Variants in TUB observed in about 807,000 individuals in gnomAD.
TUB encodes the protein tubby protein homolog.
A neutral mutation model predicts 59.7 loss-of-function variants in TUB; 33 were observed. The observed-to-expected ratio is 0.55, with a 90% CI of 0.42 to 0.74. The LOEUF is 0.74. TUB is among the 30% of genes least tolerant of loss of function. The pLI is 0.00. For synonymous variants in TUB, 293 were observed against 256.4 expected, an observed-to-expected ratio of 1.14 and a Z score of -1.36; for missense variants, 659 against 672.0, an observed-to-expected ratio of 0.98 and a Z score of 0.21.
At chr11:8,081,624 C>T (rs1469653821) in intron 1 of TUB, 76 bp downstream of exon 1, 2 of 1,398,630 alleles carry the variant, frequency 1.4e-6, no homozygotes, top group African/African-American at 1.5e-5. Context: ...GCGGCCGGGG[C>T]GCAGGGCACC....
upstream of TUB, chr11:8,035,350 GC>G (rs1475023261): frequency 6.6e-6 from 1 of 152,274 alleles, no homozygotes; most frequent in African/African-American, 2.4e-5. Flanking sequence ...TTTCTTGGCT[GC>G]TGAGTTTTTT....
chr11:8,077,174 T>C (rs1402321195), upstream of TUB: 6 of 152,244 alleles, frequency 3.9e-5, no homozygotes, highest in Admixed American at 3.9e-4. Flanking sequence ...TCCATTCTGC[T>C]CCCAATTATT....
chr11:8,061,601 T>A (rs1943127970), intron 2 of TUB, among the ~76,000 whole-genome samples: 1 of 152,020 alleles, frequency 6.6e-6, no homozygotes, highest in Non-Finnish European at 1.5e-5. Flanking sequence ...GACAGTCGGC[T>A]CAGAGGGGAC....
intron 5 of TUB, 28 bp from the exon 6 acceptor site, chr11:8,096,657 A>T: frequency 6.9e-7 from 1 of 1,452,624 alleles, no homozygotes; most frequent in Non-Finnish European, 9.7e-7. Flanking sequence ...CTCCTCCTTC[A>T]TCCCTTCTTC....
At chr11:8,063,386 G>T (rs1010172611) in intron 2 of TUB, among the ~76,000 whole-genome samples, 46 of 152,198 alleles carry the variant, frequency 3.0e-4, no homozygotes, top group Non-Finnish European at 1.5e-5. Flanking sequence ...GAAGTTTACT[G>T]ACTTAACTGA....
At position 8,101,856 on chromosome 11, in the gene TUB, G is replaced by GATCCGGCGA; in HGVS notation, c.*237_*238insATCCGGCGA. On this transcript the variant is annotated 3_prime_UTR_variant, in exon 12 of 12. Coordinates refer to ENST00000299506, the MANE Select transcript of TUB (RefSeq NM_177972.3). Reference sequence around the variant, plus strand: ...AAGGGATGAGAATAATTCTTTCCATGCCACGAGATCAACACACACTCCCAC... The same window carrying GATCCGGCGA: ...AAGGGATGAGAATAATTCTTTCCATGATCCGGCGACCACGAGATCAACACACACTCCCAC... 2.1e-6 allele frequency: 1 copy of GATCCGGCGA among 482,862 alleles called. No individual in the cohort carries two copies. The allele number at this position is 482,862 out of a possible 1,614,324, so 29.9% of individuals were successfully genotyped here. A position where few individuals can be genotyped will look rare whatever the true frequency, so the allele number is the denominator to read the frequency against.
chr11:8,032,396 A>G (rs1942587025), intron 1 of TUB, among the ~76,000 whole-genome samples: 1 of 152,206 alleles, frequency 6.6e-6, no homozygotes, highest in Admixed American at 6.5e-5. Context: ...CATGATCAGC[A>G]TGGACGGACA....
At chr11:8,069,464 G>A (rs1472923511) in intron 2 of TUB, 2 of 151,856 alleles carry the variant, frequency 1.3e-5, no homozygotes, top group African/African-American at 2.4e-5. Context: ...TAGATTTCTG[G>A]GTTGCTTGTT....
Position 8,103,031 on chromosome 11 carries a change from G to T in TUB, c.*1412G>T, listed in dbSNP as rs535570754. ...GAAATCAGGCAGTTCCCTGTTGAAA[G>T]TTGTCTGGCTTTTTGCACGTGAGTA... On this transcript the variant is annotated 3_prime_UTR_variant, in exon 12 of 12. Coordinates refer to ENST00000299506, the MANE Select transcript of TUB (RefSeq NM_177972.3). The T allele has an allele frequency of 3.9e-5, 6 of 152,396 alleles. No homozygotes were observed. The highest frequency in any genetic ancestry group is 7.2e-5 in the African/African-American group (3 of 41,586). The allele number at this position is 152,396 out of a possible 1,614,324, so 9.4% of individuals were successfully genotyped here.
upstream of TUB, among the ~76,000 whole-genome samples, chr11:8,079,518 C>G (rs1288787341): frequency 1.3e-5 from 2 of 152,114 alleles, no homozygotes; most frequent in African/African-American, 4.8e-5. Flanking sequence ...CTCTCTGTCC[C>G]CAGTGACAGT....
At chr11:8,100,082 C>T (rs1173358341) in intron 9 of TUB, among the ~76,000 whole-genome samples, 1 of 152,006 alleles carries the variant, frequency 6.6e-6, no homozygotes, top group Admixed American at 6.6e-5. Context: ...AATAGGAGGG[C>T]CAACAACAGA....
Position 8,103,390 on chromosome 11 carries a change from A to G in TUB, c.*1771A>G, listed in dbSNP as rs1277035967. 1 of 152,188 alleles carries G rather than the reference A, an allele frequency of 6.6e-6. No homozygotes were observed. Among genetic ancestry groups the G allele is most frequent in the African/African-American group, 2.4e-5 (1 of 41,440 alleles). The allele number at this position is 152,188 out of a possible 1,614,324, so 9.4% of individuals were successfully genotyped here. Reference sequence around the variant, plus strand: ...AGATGTTTGGAAAAGCTAAGTAGAAATTTTTTAAAATAGAAGTTGTATTTT... The same window carrying G: ...AGATGTTTGGAAAAGCTAAGTAGAAGTTTTTTAAAATAGAAGTTGTATTTT... On this transcript the variant is annotated 3_prime_UTR_variant, in exon 12 of 12. Transcript: ENST00000299506.
intron 2 of TUB, among the ~76,000 whole-genome samples, chr11:8,059,030 A>G (rs1943072386): frequency 6.6e-6 from 1 of 152,188 alleles, no homozygotes; most frequent in Non-Finnish European, 1.5e-5. Flanking sequence ...CCTCCATTAC[A>G]CATAGTCCCA....
intron 1 of TUB, among the ~76,000 whole-genome samples, chr11:8,032,813 TCTAA>T (rs1045938967): frequency 6.6e-6 from 1 of 152,126 alleles, no homozygotes; most frequent in African/African-American, 2.4e-5. Flanking sequence ...AATTTCAGAA[TCTAA>T]CAGGACAGCC....
chr11:8,098,826 C>T lies in TUB; in HGVS notation c.1067C>T (p.Ser356Phe), dbSNP rs767289402. 3 of 1,614,058 alleles carry T rather than the reference C, an allele frequency of 1.9e-6. No homozygotes were observed. The highest frequency in any genetic ancestry group is 2.2e-5 in the South Asian group (2 of 91,084). The stretch of plus-strand genomic sequence containing the variant: ...GTCAACCCTCAGAAGGCCTCATCCT[C>T]CACTTTGGAAAGTGGAACCTTACGT... The part of the protein sequence containing the change: ...NGVNPQKASS[S>F]TLESGTLRQE... The change falls in exon 9 of 12, where the codon TCC becomes TTC. Residue 356 changes from serine to phenylalanine, a missense_variant. This residue lies in a region of TUB where 226 missense variants were observed against 210.8 expected (regional missense o/e 1.07). Coordinates refer to ENST00000299506, the MANE Select transcript of TUB (RefSeq NM_177972.3).
chr11:8,070,891 G>A (rs924849017), intron 2 of TUB, among the ~76,000 whole-genome samples: 1 of 152,126 alleles, frequency 6.6e-6, no homozygotes, highest in Non-Finnish European at 1.5e-5. Context: ...AGCAGCAGGT[G>A]CAAGGATAGA....
In TUB at chr11:8,096,722, G is replaced by T; in HGVS notation, c.603G>T (p.Glu201Asp). The change falls in exon 6 of 12, where the codon GAG becomes GAT. Residue 201 changes from glutamate to aspartate, a missense_variant. Physicochemically the swap from Glu to Asp is conservative, Grantham distance 45. Coordinates refer to ENST00000299506, the MANE Select transcript of TUB (RefSeq NM_177972.3). ...GCATGAGCTTTGACGAGGATGAGGAGGATGAGGAGGAGAATAGCTCCAGCT... is the reference window on the plus strand; with the variant it reads ...GCATGAGCTTTGACGAGGATGAGGATGATGAGGAGGAGAATAGCTCCAGCT... ...SSSMSFDEDE[E>D]DEEENSSSSS... 1.9e-6 allele frequency: 3 copies of T among 1,613,974 alleles called. No individual in the cohort carries two copies. The highest frequency in any genetic ancestry group is 2.5e-6 in the Non-Finnish European group (3 of 1,179,892).
Position 8,096,784 on chromosome 11 carries a change from C to A in TUB, c.665C>A (p.Ala222Asp). 1 of 1,614,180 alleles carries A rather than the reference C, an allele frequency of 6.2e-7. No individual in the cohort carries two copies. The highest frequency in any genetic ancestry group is 1.1e-5 in the South Asian group (1 of 91,088). The part of the protein sequence containing the change: ...QLNSNTRPSS[A>D]TSRKSVREAA... ...AATAGTAACACCCGCCCCAGCTCTG[C>A]TACTAGCAGGAAGTCCGTCAGGGTG... Residue 222 changes from alanine (A) to aspartate (D), a missense_variant, in exon 6 of 12, where the codon GCT becomes GAT. Ala to Asp is a moderately radical substitution (Grantham distance 126, BLOSUM62 -2). Around this residue, in one of 3 missense-constraint regions of TUB, gnomAD observed 321 missense variants for 304.3 expected, o/e 1.05. Coordinates refer to ENST00000299506, the MANE Select transcript of TUB (RefSeq NM_177972.3).
At chr11:8,056,866 T>G (rs549603265) in intron 2 of TUB, among the ~76,000 whole-genome samples, 16 of 152,052 alleles carry the variant, frequency 1.1e-4, no homozygotes, top group Non-Finnish European at 1.3e-4. Context: ...GTGGGGGCAG[T>G]GATGGGAACG....
Sources: gnomAD v4.1 joint callset for allele counts (sites outside exome capture counted in the v4.1 genomes callset) on GRCh38, gnomAD v4.1.1 for gene constraint, gnomAD v4.1.1 regional missense constraint, MANE v1.5 for transcripts, NCBI Gene and HGNC (gene_info 2026-07-23, HGNC 2026-07-21) for gene names.